ABCC5: variants seen among roughly 807,000 people sequenced by gnomAD.
ABCC5 encodes ATP-binding cassette sub-family C member 5.
ABCC5 carries 61 observed loss-of-function variants against 160.9 expected under a neutral mutation model. The ratio of observed to expected loss-of-function variants is 0.38; its 90% CI spans 0.31 to 0.47. The LOEUF is 0.47. Among genes scored for constraint, ABCC5 ranks in the 20% least tolerant of loss-of-function variants. The pLI is 0.99. For synonymous variants in ABCC5, 666 were observed against 700.6 expected (o/e 0.95, Z 0.78); for missense variants, 1,308 against 1,813.3 (o/e 0.72, Z 5.06).
In ABCC5 at chr3:183,976,631, T is replaced by C. The variant is rs144452121; in HGVS notation, c.1404+886A>G. 3.4e-3 allele frequency among the ~76,000 whole-genome samples: 522 copies of C among 152,336 alleles called. 2 individuals carry two copies. Among genetic ancestry groups the C allele is most frequent in the African/African-American group, 0.012 (495 of 41,572 alleles). On this transcript the variant is annotated intron_variant, in intron 10 of 29. Coordinates refer to ENST00000334444, the MANE Select transcript of ABCC5 (RefSeq NM_005688.4). ...TAGAATACAAACAAATCTCGGGAAC[T>C]GAGTTTCCATGTTTCTTAAGAAGAA...
chr3:183,936,037 C>T (rs1325808522), intron 26 of ABCC5, among the ~76,000 whole-genome samples: 1 of 152,150 alleles, frequency 6.6e-6, no homozygotes, highest in Non-Finnish European at 1.5e-5. Flanking sequence ...TGTTGAAACA[C>T]TGACCCCAAT....
chr3:183,946,502 T>G (rs574307852), intron 23 of ABCC5, among the ~76,000 whole-genome samples: 1 of 152,306 alleles, frequency 6.6e-6, no homozygotes, highest in South Asian at 2.1e-4. Flanking sequence ...TCTCTGGGGT[T>G]CCTTTGACTA....
intron 5 of ABCC5, chr3:183,984,565 G>T: frequency 7.6e-7 from 1 of 1,322,208 alleles, no homozygotes; most frequent in Non-Finnish European, 9.7e-7. Flanking sequence ...GGTCCTAGGA[G>T]ATCCCCACCA....
At chr3:183,980,748 C>T (rs932597982) in intron 8 of ABCC5, among the ~76,000 whole-genome samples, 1 of 149,556 alleles carries the variant, frequency 6.7e-6, no homozygotes, top group Non-Finnish European at 1.5e-5. Flanking sequence ...AGTCTCGCTG[C>T]GACACCCAGG....
chr3:183,967,910 C>T, intron 11 of ABCC5, 144 bp from the exon 12 acceptor site: 1 of 676,638 alleles, frequency 1.5e-6, no homozygotes, highest in South Asian at 1.7e-5. Context: ...CCTGTTTTCT[C>T]ACTCATTAGC....
At position 183,987,646 on chromosome 3, in the gene ABCC5, GA is replaced by G; in HGVS notation, c.591+123del. 1 of 1,331,112 alleles carries G rather than the reference GA, an allele frequency of 7.5e-7. No homozygotes were observed. The highest frequency in any genetic ancestry group is 1.5e-5 in the African/African-American group (1 of 68,838). 82.5% of individuals were successfully genotyped at this position (1,331,112 alleles called of 1,614,324 possible). Reference sequence around the variant, plus strand: ...TCCATCGACCCCTTTCAACAGACCTGAAGGCATCTCTAAGACTGCTACCTAG... The same window carrying G: ...TCCATCGACCCCTTTCAACAGACCTGAGGCATCTCTAAGACTGCTACCTAG... On this transcript the variant is annotated intron_variant, in intron 5 of 29. Transcript: ENST00000334444. This position sits in a 1 kb window ranked among gnomAD's most constrained non-coding sequence, Gnocchi z 4.2.
rs1719321198 is a variant in ABCC5, at chr3:183,987,449, C to G, written c.591+321G>C. 1.7e-6 allele frequency: 1 copy of G among 591,260 alleles called. No homozygotes were observed. The highest frequency in any genetic ancestry group is 3.0e-6 in the Non-Finnish European group (1 of 331,622). The allele number at this position is 591,260 out of a possible 1,614,324, so 36.6% of individuals were successfully genotyped here. A position where few individuals can be genotyped will look rare whatever the true frequency, so the allele number is the denominator to read the frequency against. On this transcript the variant is annotated intron_variant, in intron 5 of 29. Transcript: ENST00000334444. The surrounding 1 kb of genome is among the most constrained non-coding windows in gnomAD (Gnocchi z 4.2). ...AACGTGCTCTCACCCACTCATAGCACTGCAAGACACATCTGCCTGCACCGA... is the reference window on the plus strand; with the variant it reads ...AACGTGCTCTCACCCACTCATAGCAGTGCAAGACACATCTGCCTGCACCGA...
intron 10 of ABCC5, among the ~76,000 whole-genome samples, chr3:183,975,115 A>G (rs569585448): frequency 6.6e-6 from 1 of 152,194 alleles, no homozygotes; most frequent in Non-Finnish European, 1.5e-5. Context: ...TTGGGGAGAT[A>G]CAATCCCAGG....
chr3:183,983,624 A>C (rs748119563), intron 5 of ABCC5: 2 of 505,914 alleles, frequency 4.0e-6, no homozygotes, highest in Non-Finnish European at 5.1e-6. Context: ...CATATGTCTA[A>C]CACCACCTGC....
At chr3:183,956,959 C>A (rs75441752) in intron 17 of ABCC5, among the ~76,000 whole-genome samples, 3 of 111,114 alleles carry the variant, frequency 2.7e-5, no homozygotes, top group East Asian at 3.1e-4. Flanking sequence ...TCCGTGTGTA[C>A]ATCACATCGG....
chr3:183,981,860 C>A lies in ABCC5; in HGVS notation c.1014G>T (p.Arg338=). 6.3e-7 allele frequency: 1 copy of A among 1,599,542 alleles called. No homozygotes were observed. The highest frequency in any genetic ancestry group is 1.1e-5 in the South Asian group (1 of 87,416). The change falls in exon 8 of 30, where the codon CGG becomes CGT. Residue 338 remains arginine (R), a synonymous_variant. Transcript: ENST00000334444. ...ATTTTCTCCTGAAATATGCTGTGAG[C>A]CGTGATGCAAACATCTGAAAGGAAA... The part of the protein sequence containing the change: ...LFYPAMMFAS[R]LTAYFRRKCV...
rs772731068 is a variant in ABCC5 at position 183,963,618 on chromosome 3, TC to T, written c.2032-31del. On this transcript the variant is annotated intron_variant, in intron 14 of 29. Transcript: ENST00000334444. This position sits in a 1 kb window ranked among gnomAD's most constrained non-coding sequence, Gnocchi z 4.6. ...AAGAGCCCAGAAGTGTGGTGAAGCC[TC>T]CAGCGCAAGTCCAGAACAGCGTGGA... 6.2e-7 allele frequency: 1 copy of T among 1,610,938 alleles called. No homozygotes were observed. The highest frequency in any genetic ancestry group is 1.1e-5 in the South Asian group (1 of 90,954).
intron 2 of ABCC5, among the ~76,000 whole-genome samples, chr3:184,001,624 C>T (rs1048062972): frequency 6.6e-6 from 1 of 152,144 alleles, no homozygotes; most frequent in Non-Finnish European, 1.5e-5. Flanking sequence ...TCCTACAATG[C>T]ACAGGATAGC....
chr3:184,006,475 C>T (rs1258598042), intron 2 of ABCC5: 1 of 152,152 alleles, frequency 6.6e-6, no homozygotes, highest in Non-Finnish European at 1.5e-5. Flanking sequence ...ATACTCTTGA[C>T]TTGGAAAACA....
At position 184,014,335 on chromosome 3, in the gene ABCC5, C is replaced by T. The variant is rs1204688731; in HGVS notation, c.58G>A (p.Val20Met). 2 of 1,614,068 alleles carry T rather than the reference C, an allele frequency of 1.2e-6. No individual in the cohort carries two copies. The highest frequency in any genetic ancestry group is 1.7e-6 in the Non-Finnish European group (2 of 1,179,962). Residue 20 changes from valine (V) to methionine (M), a missense_variant, in exon 2 of 30, where the codon GTG (valine) becomes ATG (methionine). Val to Met is a conservative substitution (Grantham distance 21). Coordinates refer to ENST00000334444, the MANE Select transcript of ABCC5 (RefSeq NM_005688.4). ...CCAGAAGTGCTGGTTCTCTCCCTCA[C>T]ACTTCTATACCCAGGACTGGGGATG... Reference protein sequence around the residue: ...YIIPSPGYRSVRERTSTSGTH... With the variant: ...YIIPSPGYRSMRERTSTSGTH...
chr3:183,927,836 G>A, intron 27 of ABCC5: 3 of 984,736 alleles, frequency 3.0e-6, no homozygotes, highest in Non-Finnish European at 3.6e-6. Context: ...AACATTTTTT[G>A]TAAGCTGCAG....
intron 27 of ABCC5, 123 bp from the exon 28 acceptor site, chr3:183,927,566 A>AT (rs1456672971): frequency 6.9e-7 from 1 of 1,445,792 alleles, no homozygotes; most frequent in African/African-American, 1.4e-5. Flanking sequence ...AACCTGTCTC[A>AT]TCTGGAATGA....
Position 183,951,772 on chromosome 3 carries a change from A to G in ABCC5, c.2814+85T>C. 1.9e-6 allele frequency: 3 copies of G among 1,546,452 alleles called. No individual in the cohort carries two copies. Among genetic ancestry groups the G allele is most frequent in the Non-Finnish European group, 2.6e-6 (3 of 1,137,760 alleles). On this transcript the variant is annotated intron_variant, in intron 19 of 29. Transcript: ENST00000334444. The surrounding 1 kb of genome is among the most constrained non-coding windows in gnomAD (Gnocchi z 4.7). ...CCATCCTGGTTAAGGGAGCTCCCCT[A>G]CTCAGCATGAACTGAGAGACGCCAC... is the stretch of plus-strand genomic sequence containing the variant.
Position 183,978,631 on chromosome 3 carries a change from G to A in ABCC5, c.1168C>T (p.Arg390Trp), listed in dbSNP as rs770158731. 9 of 1,613,546 alleles carry A rather than the reference G, an allele frequency of 5.6e-6. No individual in the cohort carries two copies. Among genetic ancestry groups the A allele is most frequent in the South Asian group, 4.4e-5 (4 of 90,992 alleles). The change falls in exon 9 of 30, where the codon CGG becomes TGG. Residue 390 changes from arginine (R) to tryptophan (W), a missense_variant. Coordinates refer to ENST00000334444, the MANE Select transcript of ABCC5 (RefSeq NM_005688.4). ...SVQKIREEER[R>W]ILEKAGYFQS... The stretch of plus-strand genomic sequence containing the variant: ...AAGTACCCAGCTTTTTCCAATATCC[G>A]ACGCTCCTCCTCGCGGATTTCTATG...
Sources: gnomAD v4.1 joint callset for allele counts (sites outside exome capture counted in the v4.1 genomes callset) on GRCh38, gnomAD v4.1.1 for gene constraint, Gnocchi (gnomAD v3.1) non-coding constraint, MANE v1.5 for transcripts, NCBI Gene and HGNC (gene_info 2026-07-23, HGNC 2026-07-21) for gene names.